Variants in SHROOM4 observed in about 807,000 individuals in gnomAD.
SHROOM4 encodes protein Shroom4.
Under a neutral mutation model 80.3 loss-of-function variants are expected in SHROOM4, and 17 were observed. That is an observed-to-expected ratio of 0.21 (90% CI 0.14 to 0.32). The LOEUF (loss-of-function observed/expected upper bound fraction) is 0.32, where lower values mean the gene tolerates loss of function less well. SHROOM4 is among the 10% of genes least tolerant of loss of function. The pLI is 1.00. For missense variants in SHROOM4, 993 were observed against 1,140.3 expected, an observed-to-expected ratio of 0.87 and a Z score of 1.86; for synonymous variants, 400 against 437.5, an observed-to-expected ratio of 0.91 and a Z score of 1.07.
At chrX:50,683,140 T>C (rs1932978443) in intron 2 of SHROOM4, among the ~76,000 whole-genome samples, 1 of 111,610 alleles carries the variant, frequency 9.0e-6, no homozygotes, top group Non-Finnish European at 1.9e-5. Context: ...TGTGATCATG[T>C]AAGTTAATAC....
intron 3 of SHROOM4, 104 bp from the exon 4 acceptor site, chrX:50,635,772 GGGTAGGC>G: frequency 1.4e-6 from 1 of 697,542 alleles, no homozygotes; most frequent in Admixed American, 3.1e-5. Flanking sequence ...AAAGAGAGGA[GGGTAGGC>G]AAAAAAAAAA....
At chrX:50,624,402 T>C (rs1233887350) in intron 5 of SHROOM4, among the ~76,000 whole-genome samples, 2 of 111,064 alleles carry the variant, frequency 1.8e-5, no homozygotes, top group African/African-American at 6.6e-5. Flanking sequence ...GTTTCCTTTG[T>C]TGATTCTTCT....
intron 2 of SHROOM4, among the ~76,000 whole-genome samples, chrX:50,640,758 C>G (rs1285005623): frequency 8.9e-6 from 1 of 112,041 alleles, no homozygotes; most frequent in Non-Finnish European, 1.9e-5. Flanking sequence ...AGCCTGCAAC[C>G]AGCTCTGTCC....
intron 1 of SHROOM4, among the ~76,000 whole-genome samples, chrX:50,746,444 A>G (rs1201051821): frequency 2.7e-5 from 3 of 111,944 alleles, no homozygotes; most frequent in African/African-American, 9.7e-5. Flanking sequence ...AAATTACTCA[A>G]GAGAAAACAA....
chrX:50,801,877 A>C (rs374928092), intron 1 of SHROOM4, among the ~76,000 whole-genome samples: 9 of 112,300 alleles, frequency 8.0e-5, no homozygotes, highest in African/African-American at 2.6e-4. Flanking sequence ...AAAGGAACCC[A>C]TGTGGTCATT....
At chrX:50,786,540 T>G (rs782820313) in intron 1 of SHROOM4, among the ~76,000 whole-genome samples, 12 of 111,831 alleles carry the variant, frequency 1.1e-4, no homozygotes, top group Admixed American at 6.6e-4. Flanking sequence ...AGGACCAGTG[T>G]GATCAGAGAT....
intron 7 of SHROOM4, among the ~76,000 whole-genome samples, chrX:50,602,092 T>TC (rs1365070130): frequency 9.1e-6 from 1 of 109,775 alleles, no homozygotes; most frequent in African/African-American, 3.3e-5. Context: ...TTTCTTTTCT[T>TC]CTTTTTTTTT....
the SHROOM4 span, among the ~76,000 whole-genome samples, chrX:50,575,562 T>C: frequency 9.0e-6 from 1 of 111,322 alleles, no homozygotes; most frequent in Non-Finnish European, 1.9e-5. Flanking sequence ...TTTCTAGTGT[T>C]ATTGCGCCAG....
In SHROOM4 at chrX:50,652,370, T is replaced by C. The variant is rs187917737; in HGVS notation, c.270-14062A>G. Reference sequence around the variant, plus strand: ...TTTTTTTCATGTTTGGCCACATAAATGTCTTCTTTTGAGAAGTGTCTGTTC... The same window carrying C: ...TTTTTTTCATGTTTGGCCACATAAACGTCTTCTTTTGAGAAGTGTCTGTTC... On this transcript the variant is annotated intron_variant, in intron 2 of 8. Coordinates refer to ENST00000376020, the MANE Select transcript of SHROOM4 (RefSeq NM_020717.5). 3.8e-3 allele frequency among the ~76,000 whole-genome samples: 425 copies of C among 112,422 alleles called. 2 individuals carry two copies. The highest frequency in any genetic ancestry group is 0.013 in the African/African-American group (388 of 30,986).
At chrX:50,811,098 A>G (rs1279734901) in intron 1 of SHROOM4, among the ~76,000 whole-genome samples, 1 of 111,123 alleles carries the variant, frequency 9.0e-6, no homozygotes, top group Non-Finnish European at 1.9e-5. Context: ...GATTGTTTGA[A>G]GGAGTTGGAG....
rs781831282 is a variant in SHROOM4 at position 50,592,027 on chromosome X, T to A, written c.*4668A>T. 78 of 328,077 alleles carry A rather than the reference T, an allele frequency of 2.4e-4. 1 individual carries two copies. The highest frequency in any genetic ancestry group is 1.9e-3 in the South Asian group (74 of 38,335). The allele number at this position is 328,077 out of a possible 1,213,427, so 27.0% of individuals were successfully genotyped here. On this transcript the variant is annotated 3_prime_UTR_variant, in exon 9 of 9. Coordinates refer to ENST00000376020, the MANE Select transcript of SHROOM4 (RefSeq NM_020717.5). ...CCACCATGCCCGGCCGGAACTGTTTTCTTAATAACATTTTCGGATTGTTCA... is the reference window on the plus strand; with the variant it reads ...CCACCATGCCCGGCCGGAACTGTTTACTTAATAACATTTTCGGATTGTTCA...
At chrX:50,618,590 G>T (rs1303885681) in intron 5 of SHROOM4, among the ~76,000 whole-genome samples, 4 of 109,904 alleles carry the variant, frequency 3.6e-5, no homozygotes, top group African/African-American at 1.3e-4. Flanking sequence ...TTTTTGCCAT[G>T]TTGGCCAGGT....
In SHROOM4 at chrX:50,679,969, C is replaced by T. The variant is rs782181882; in HGVS notation, c.269+15817G>A. On this transcript the variant is annotated intron_variant, in intron 2 of 8. Coordinates refer to ENST00000376020, the MANE Select transcript of SHROOM4 (RefSeq NM_020717.5). ...TCTTTTATGAAACAATCCATTCAGG[C>T]TTTTGTCTCTGGGTTGCCAATGACT... Among the ~76,000 whole-genome samples, 18 of 112,223 alleles carry T rather than the reference C, an allele frequency of 1.6e-4. No individual in the cohort carries two copies. In the Middle Eastern group the frequency reaches 0.014, roughly 86 times the overall value.
At chrX:50,767,774 G>A (rs1238899115) in intron 1 of SHROOM4, among the ~76,000 whole-genome samples, 10 of 111,698 alleles carry the variant, frequency 9.0e-5, no homozygotes, top group Non-Finnish European at 1.9e-4. Context: ...AACTCCTCTA[G>A]TCCATAATAG....
intron 1 of SHROOM4, among the ~76,000 whole-genome samples, chrX:50,756,093 T>C (rs2147614007): frequency 8.9e-6 from 1 of 111,849 alleles, no homozygotes; most frequent in South Asian, 3.8e-4. Flanking sequence ...CACAATCTAA[T>C]TTTAGAATAT....
Position 50,596,962 on chromosome X carries a change from C to G in SHROOM4, c.4215G>C (p.Leu1405Phe). Reference sequence around the variant, plus strand: ...GCTGCTGCTTCTTCTCTATCAGTACCAACTGGGGAAGCAGAGGACCAAGTA... The same window carrying G: ...GCTGCTGCTTCTTCTCTATCAGTACGAACTGGGGAAGCAGAGGACCAAGTA... ...SIDSEANQEKLVLIEKKQQLT... is the reference protein window; with the variant it reads ...SIDSEANQEKFVLIEKKQQLT... Residue 1405 changes from leucine to phenylalanine, a missense_variant and splice_region_variant, in exon 9 of 9, where the codon TTG (leucine) becomes TTC (phenylalanine). By Grantham distance (22) the Leu-to-Phe change is conservative. Coordinates refer to ENST00000376020, the MANE Select transcript of SHROOM4 (RefSeq NM_020717.5). The G allele has an allele frequency of 8.3e-7, 1 of 1,209,298 alleles. No individual in the cohort carries two copies. Among genetic ancestry groups the G allele is most frequent in the Non-Finnish European group, 1.1e-6 (1 of 894,672 alleles).
At chrX:50,765,158 C>T (rs1935247365) in intron 1 of SHROOM4, among the ~76,000 whole-genome samples, 1 of 111,879 alleles carries the variant, frequency 8.9e-6, no homozygotes, top group African/African-American at 3.3e-5. Context: ...GGGGACACAG[C>T]CAGACCATAT....
intron 1 of SHROOM4, among the ~76,000 whole-genome samples, chrX:50,734,344 G>C (rs182417731): frequency 8.9e-6 from 1 of 111,775 alleles, no homozygotes. Context: ...GAAGAATAAA[G>C]TACGAGGGCT....
intron 1 of SHROOM4, among the ~76,000 whole-genome samples, chrX:50,733,672 A>G (rs1327313642): frequency 6.2e-5 from 7 of 112,315 alleles, no homozygotes; most frequent in African/African-American, 2.3e-4. Flanking sequence ...TATGATACAT[A>G]TAATGAAAGA....
Sources: gnomAD v4.1 joint callset for allele counts (sites outside exome capture counted in the v4.1 genomes callset) on GRCh38, gnomAD v4.1.1 for gene constraint, MANE v1.5 for transcripts, NCBI Gene and HGNC (gene_info 2026-07-23, HGNC 2026-07-21) for gene names.